NSMCE2: variants seen among roughly 807,000 people sequenced by gnomAD.
NSMCE2 encodes the protein E3 SUMO-protein ligase NSE2.
In NSMCE2, 24 loss-of-function variants were observed where a neutral mutation model predicts 23.8. The observed-to-expected ratio is 1.01, with a 90% CI of 0.73 to 1.42. NSMCE2 has a LOEUF of 1.42. NSMCE2 is among the 40% of genes most tolerant of loss of function. The pLI is 0.00. For missense variants in NSMCE2, 284 were observed against 296.5 expected (o/e 0.96, Z 0.31); for synonymous variants, 92 against 94.1 (o/e 0.98, Z 0.13).
At chr8:125,284,724 A>G (rs768687167) in intron 5 of NSMCE2, among the ~76,000 whole-genome samples, 1 of 152,236 alleles carries the variant, frequency 6.6e-6, no homozygotes, top group East Asian at 1.9e-4. Context: ...TTGGATCACT[A>G]TTCTGGGATA....
At chr8:125,179,112 C>A (rs1822650393) in intron 4 of NSMCE2, among the ~76,000 whole-genome samples, 1 of 152,102 alleles carries the variant, frequency 6.6e-6, no homozygotes, top group African/African-American at 2.4e-5. Flanking sequence ...TTATTGCAGC[C>A]CTAGTAAATT....
intron 4 of NSMCE2, among the ~76,000 whole-genome samples, chr8:125,158,129 A>G (rs1290627219): frequency 6.6e-6 from 1 of 152,172 alleles, no homozygotes; most frequent in African/African-American, 2.4e-5. Context: ...TAATTTTACG[A>G]AGGAGGCTGT....
intron 5 of NSMCE2, among the ~76,000 whole-genome samples, chr8:125,266,519 T>C (rs943993608): frequency 4.6e-5 from 7 of 152,254 alleles, no homozygotes; most frequent in Non-Finnish European, 8.8e-5. Context: ...TCAGACTATA[T>C]GAAGGCATAA....
At chr8:125,265,874 T>G (rs915793050) in intron 5 of NSMCE2, among the ~76,000 whole-genome samples, 5 of 152,178 alleles carry the variant, frequency 3.3e-5, no homozygotes, top group African/African-American at 9.6e-5. Flanking sequence ...CTTTCATGGT[T>G]CCTTTTGACC....
At chr8:125,213,963 A>G in intron 5 of NSMCE2, among the ~76,000 whole-genome samples, 1 of 152,298 alleles carries the variant, frequency 6.6e-6, no homozygotes. Flanking sequence ...TTCTTACTTT[A>G]TATCTGGATA....
At chr8:125,156,252 C>T (rs1216962307) in intron 4 of NSMCE2, 1 of 158,888 alleles carries the variant, frequency 6.3e-6, no homozygotes, top group Non-Finnish European at 1.4e-5. Flanking sequence ...AGACATTTTA[C>T]CTCTTAAAAG....
intron 3 of NSMCE2, among the ~76,000 whole-genome samples, chr8:125,119,418 G>A (rs1413134267): frequency 1.3e-5 from 2 of 152,094 alleles, no homozygotes; most frequent in Non-Finnish European, 2.9e-5. Flanking sequence ...TACCATCTGG[G>A]TTTTTCTAGA....
intron 3 of NSMCE2, among the ~76,000 whole-genome samples, chr8:125,124,669 G>A (rs1359262015): frequency 6.6e-6 from 1 of 152,068 alleles, no homozygotes; most frequent in Non-Finnish European, 1.5e-5. Context: ...GTAGAGACAA[G>A]GTCTTGCTAT....
intron 3 of NSMCE2, among the ~76,000 whole-genome samples, chr8:125,110,858 T>C (rs1211193807): frequency 6.9e-6 from 1 of 145,016 alleles, no homozygotes; most frequent in East Asian, 2.3e-4. Context: ...AAACATCCTC[T>C]CATGGAGGTC....
chr8:125,340,013 T>TTG (rs1401760416), intron 5 of NSMCE2, among the ~76,000 whole-genome samples: 1 of 42,768 alleles, frequency 2.3e-5, no homozygotes. Flanking sequence ...TTTTTTTTTG[T>TTG]TTTTTTTTTT....
At chr8:125,301,342 T>C (rs928243182) in intron 5 of NSMCE2, among the ~76,000 whole-genome samples, 1 of 152,126 alleles carries the variant, frequency 6.6e-6, no homozygotes, top group African/African-American at 2.4e-5. Context: ...CCAAAGGTAA[T>C]AGAATGCAGT....
At chr8:125,265,633 A>G (rs1161517064) in intron 5 of NSMCE2, among the ~76,000 whole-genome samples, 1 of 152,162 alleles carries the variant, frequency 6.6e-6, no homozygotes, top group Non-Finnish European at 1.5e-5. Flanking sequence ...TGGCCGCCTT[A>G]CTTTACCCTA....
chr8:125,189,835 T>C (rs1823265534), intron 5 of NSMCE2, among the ~76,000 whole-genome samples: 1 of 152,228 alleles, frequency 6.6e-6, no homozygotes, highest in African/African-American at 2.4e-5. Flanking sequence ...GGCACAAACA[T>C]ATAGTATATA....
At chr8:125,307,096 G>A (rs1256499388) in intron 5 of NSMCE2, among the ~76,000 whole-genome samples, 1 of 152,202 alleles carries the variant, frequency 6.6e-6, no homozygotes, top group Non-Finnish European at 1.5e-5. Context: ...TTAACATGGA[G>A]GAAAGAGTCC....
intron 5 of NSMCE2, among the ~76,000 whole-genome samples, chr8:125,353,543 G>A (rs1260138923): frequency 2.0e-5 from 3 of 152,096 alleles, no homozygotes; most frequent in South Asian, 4.1e-4. Context: ...AATTTCCAGA[G>A]ACCCCACCCC....
At chr8:125,169,630 C>CA (rs766938747) in intron 4 of NSMCE2, among the ~76,000 whole-genome samples, 3 of 152,222 alleles carry the variant, frequency 2.0e-5, no homozygotes, top group Non-Finnish European at 2.9e-5. Context: ...CCCATGTTCA[C>CA]AGTCTTCAGT....
chr8:125,126,170 G>A lies in NSMCE2; in HGVS notation c.157+23683G>A, dbSNP rs143911332. Among the ~76,000 whole-genome samples, 151 of 152,216 alleles carry A rather than the reference G, an allele frequency of 9.9e-4. 2 individuals are homozygous for A. In the East Asian group the frequency reaches 0.026, roughly 27 times the overall value. On this transcript the variant is annotated intron_variant, in intron 3 of 7. Coordinates refer to ENST00000287437, the MANE Select transcript of NSMCE2 (RefSeq NM_173685.4). ...GGCCAAGGCGGGCAGATCACTTGAGGTCAGGAGTTCGAGACCAGCTTGGCC... is the reference window on the plus strand; with the variant it reads ...GGCCAAGGCGGGCAGATCACTTGAGATCAGGAGTTCGAGACCAGCTTGGCC...
chr8:125,228,499 C>G (rs1205043291), intron 5 of NSMCE2, among the ~76,000 whole-genome samples: 1 of 152,100 alleles, frequency 6.6e-6, no homozygotes, highest in Non-Finnish European at 1.5e-5. Context: ...GAATTTTGAC[C>G]AGCAGAATCA....
chr8:125,254,961 C>A (rs1457052953), intron 5 of NSMCE2, among the ~76,000 whole-genome samples: 1 of 152,148 alleles, frequency 6.6e-6, no homozygotes, highest in Non-Finnish European at 1.5e-5. Flanking sequence ...CCACTTGGAT[C>A]TGAGCTCTGT....
Sources: allele counts gnomAD v4.1 joint callset (sites outside exome capture counted in the v4.1 genomes callset), GRCh38; gene constraint gnomAD v4.1.1; transcripts MANE v1.5; gene names NCBI Gene and HGNC (gene_info 2026-07-23, HGNC 2026-07-21).